Variants in SMPD4 observed in about 807,000 individuals in gnomAD.
SMPD4 encodes the protein neutral sphingomyelinase 3.
Under a neutral mutation model 97.8 loss-of-function variants are expected in SMPD4, and 58 were observed. The observed-to-expected ratio is 0.59, with a 90% confidence interval of 0.48 to 0.74. SMPD4 has a LOEUF of 0.74. Among genes scored for constraint, SMPD4 ranks in the 30% least tolerant of loss-of-function variants. SMPD4 has a pLI of 0.00. For missense variants in SMPD4, 853 were observed against 1,080.5 expected (o/e 0.79, Z 2.95); for synonymous variants, 388 against 450.0 (o/e 0.86, Z 1.74).
rs112130480 is a variant in SMPD4, at chr2:130,172,837, T to C, written c.404A>G (p.Asn135Ser). 53 of 1,613,936 alleles carry C rather than the reference T, an allele frequency of 3.3e-5. 1 individual carries two copies. The highest frequency in any genetic ancestry group is 1.6e-4 in the Middle Eastern group (1 of 6,082). The change falls in exon 6 of 20, where the codon AAC (asparagine) becomes AGC (serine). Residue 135 changes from asparagine to serine, a missense_variant. This residue lies in a region of SMPD4 where 313 missense variants were observed against 402.2 expected (regional missense o/e 0.78). Coordinates refer to ENST00000680298, the MANE Select transcript of SMPD4 (RefSeq NM_017951.5). ...CCCAGTAGGGGTGAACTGGACCTTG[T>C]TGTGGTACAGAGGACTGTCAGGGAG... ...CILPDSPLYH[N>S]KVQFTPTGGL...
intron 8 of SMPD4, among the ~76,000 whole-genome samples, chr2:130,169,564 C>CT (rs749873351): frequency 1.0e-3 from 144 of 143,432 alleles, no homozygotes; most frequent in Middle Eastern, 3.5e-3. Flanking sequence ...ATGAAAGTTT[C>CT]TTTTTTTTTT....
intron 6 of SMPD4, 34 bp from the exon 7 acceptor site, chr2:130,172,711 T>G: frequency 6.2e-7 from 1 of 1,614,196 alleles, no homozygotes. Flanking sequence ...CATGCAGGGT[T>G]GATGAGCCAC....
intron 9 of SMPD4, among the ~76,000 whole-genome samples, chr2:130,165,917 A>C (rs1333903496): frequency 6.6e-6 from 1 of 152,216 alleles, no homozygotes; most frequent in Non-Finnish European, 1.5e-5. Context: ...TGGAGATTGC[A>C]TGCACAACAA....
chr2:130,161,348 G>A, intron 10 of SMPD4, 76 bp from the exon 11 acceptor site: 2 of 1,164,760 alleles, frequency 1.7e-6, no homozygotes. Context: ...GAAGGGGAGA[G>A]ATAGGACCAG....
At chr2:130,179,122 C>CTTTTT (rs772317420) in intron 1 of SMPD4, among the ~76,000 whole-genome samples, 3 of 133,880 alleles carry the variant, frequency 2.2e-5, no homozygotes, top group Non-Finnish European at 3.2e-5. Flanking sequence ...TTTTTCAATT[C>CTTTTT]TTTTTTTTTT....
intron 2 of SMPD4, among the ~76,000 whole-genome samples, chr2:130,175,384 G>A (rs1391509648): frequency 6.6e-6 from 1 of 151,962 alleles, no homozygotes; most frequent in Non-Finnish European, 1.5e-5. Flanking sequence ...GAGTTTGTAC[G>A]CATCAACTGG....
intron 1 of SMPD4, among the ~76,000 whole-genome samples, chr2:130,179,120 TTC>T (rs1689247177): frequency 6.7e-6 from 1 of 149,868 alleles, no homozygotes; most frequent in Admixed American, 6.6e-5. Context: ...GTTTTTTCAA[TTC>T]TTTTTTTTTT....
intron 8 of SMPD4, among the ~76,000 whole-genome samples, chr2:130,170,583 T>C (rs1454395213): frequency 2.7e-5 from 4 of 150,152 alleles, no homozygotes; most frequent in East Asian, 2.0e-4. Flanking sequence ...CTGGGCAACA[T>C]AGCAAGACCC....
intron 11 of SMPD4, 106 bp downstream of exon 11, chr2:130,161,080 T>C: frequency 4.5e-6 from 5 of 1,101,518 alleles, no homozygotes; most frequent in Non-Finnish European, 6.7e-6. Flanking sequence ...TTCGTTCTGC[T>C]TGGAACTAGC....
At chr2:130,153,252 A>G in intron 18 of SMPD4, 67 bp downstream of exon 18, 3 of 1,612,520 alleles carry the variant, frequency 1.9e-6, no homozygotes, top group East Asian at 2.2e-5. Context: ...CTCTGCTCAC[A>G]AGGGAGGAGG....
At chr2:130,180,621 TC>T (rs1689479301) in intron 1 of SMPD4, among the ~76,000 whole-genome samples, 1 of 152,112 alleles carries the variant, frequency 6.6e-6, no homozygotes, top group Non-Finnish European at 1.5e-5. Flanking sequence ...AACGCCTCAG[TC>T]CTAAGGCACT....
chr2:130,164,781 T>A (rs1426201763), intron 9 of SMPD4, among the ~76,000 whole-genome samples: 2 of 151,758 alleles, frequency 1.3e-5, no homozygotes. Flanking sequence ...AAATCAACAC[T>A]CTTGAGCATG....
intron 4 of SMPD4, 64 bp from the exon 5 acceptor site, chr2:130,173,418 G>A: frequency 6.3e-7 from 1 of 1,599,684 alleles, no homozygotes; most frequent in Admixed American, 1.7e-5. Flanking sequence ...ATCTTGCTTT[G>A]ATTGTTTCTT....
At position 130,151,784 on chromosome 2, in the gene SMPD4, A is replaced by T. The variant is rs1287595666; in HGVS notation, c.*771T>A. ...TTCTGACCATCTTTGGCTGCAGAGC[A>T]GAAACTGGCAGAATCCGACCCCATC... On this transcript the variant is annotated 3_prime_UTR_variant, in exon 20 of 20. Coordinates refer to ENST00000680298, the MANE Select transcript of SMPD4 (RefSeq NM_017951.5). 2 of 150,926 alleles carry T rather than the reference A, an allele frequency of 1.3e-5. No individual in the cohort carries two copies. Among genetic ancestry groups the T allele is most frequent in the African/African-American group, 2.4e-5 (1 of 40,826 alleles). 9.3% of individuals were successfully genotyped at this position (150,926 alleles called of 1,614,324 possible). A position where few individuals can be genotyped will look rare whatever the true frequency, so the allele number is the denominator to read the frequency against.
At position 130,155,226 on chromosome 2, in the gene SMPD4, G is replaced by GT; in HGVS notation, c.1322dup (p.Tyr441Ter). The GT allele has an allele frequency of 6.2e-7, 1 of 1,614,180 alleles. No individual in the cohort carries two copies. Among genetic ancestry groups the GT allele is most frequent in the Non-Finnish European group, 8.5e-7 (1 of 1,180,042 alleles). ...APFVQENLLM[Y>*]TKLFVGFLNR... ...TCAGAAAGCCCACAAACAACTTGGT[G>GT]TACATCAGCAGGTTCTCCTGGACAA... The change falls in exon 15 of 20, where the codon TAC (tyrosine) becomes TAAC (stop). Residue 441 changes from tyrosine to a stop codon, truncating the protein, a stop_gained and frameshift_variant. Transcript: ENST00000680298. LOFTEE classifies it high-confidence loss of function.
chr2:130,179,970 CT>C (rs35799674), intron 1 of SMPD4, among the ~76,000 whole-genome samples: 48,448 of 135,524 alleles, frequency 0.36, 8,251 homozygotes, highest in East Asian at 0.48. Context: ...CTTTTTTCTC[CT>C]TTTTTTTTTT....
intron 1 of SMPD4, among the ~76,000 whole-genome samples, chr2:130,177,907 T>C (rs1573736486): frequency 6.6e-6 from 1 of 151,984 alleles, no homozygotes; most frequent in African/African-American, 2.4e-5. Context: ...TCCCGACCCC[T>C]GTTTGTTCAA....
At chr2:130,154,795 C>T (rs1338555417) in intron 15 of SMPD4, 5 of 592,652 alleles carry the variant, frequency 8.4e-6, no homozygotes, top group Non-Finnish European at 1.5e-5. Context: ...CTGAAGCGGC[C>T]AACACGAGTT....
chr2:130,155,995 G>C (rs568937524), intron 14 of SMPD4, 40 bp downstream of exon 14: 188 of 1,587,232 alleles, frequency 1.2e-4, no homozygotes, highest in South Asian at 4.0e-4. Context: ...ATCCACCTGG[G>C]GGAGCCAGTG....
Sources: allele counts gnomAD v4.1 joint callset (sites outside exome capture counted in the v4.1 genomes callset), GRCh38; gene constraint gnomAD v4.1.1; regional missense constraint gnomAD v4.1.1; transcripts MANE v1.5; gene names NCBI Gene and HGNC (gene_info 2026-07-23, HGNC 2026-07-21).